ATP11A: variants seen among roughly 807,000 people sequenced by gnomAD.
ATP11A encodes ATPase phospholipid transporting 11A.
A neutral mutation model predicts 154.4 loss-of-function variants in ATP11A; 81 were observed. That is an observed-to-expected ratio of 0.52 (90% CI 0.44 to 0.63). The LOEUF (loss-of-function observed/expected upper bound fraction) is 0.63. Ranked by LOEUF, ATP11A falls within the 30% of genes least tolerant of loss-of-function variation. ATP11A has a pLI of 0.00. For missense variants in ATP11A, 1,316 were observed against 1,474.3 expected (o/e 0.89, Z 1.76); for synonymous variants, 623 against 585.9 (o/e 1.06, Z -0.91).
rs1388271146 is a variant in ATP11A at position 112,871,595 on chromosome 13, G to T, written c.2992-140G>T. The T allele has an allele frequency of 1.0e-5, 8 of 778,244 alleles. No homozygotes were observed. In the East Asian group the frequency reaches 1.2e-4, roughly 12 times the overall value. The allele number at this position is 778,244 out of a possible 1,614,324, so 48.2% of individuals were successfully genotyped here. Reference sequence around the variant, plus strand: ...TGCATCTTCTTTTACGGGATAATAAGAAAATATAGTGCTTATATCTTTGGG... The same window carrying T: ...TGCATCTTCTTTTACGGGATAATAATAAAATATAGTGCTTATATCTTTGGG... On this transcript the variant is annotated intron_variant, in intron 25 of 29. Transcript: ENST00000375645.
chr13:112,846,305 CGCTTACAAA>C (rs2140309721), intron 17 of ATP11A, among the ~76,000 whole-genome samples: 1 of 152,240 alleles, frequency 6.6e-6, no homozygotes, highest in Non-Finnish European at 1.5e-5. Context: ...GTTGTCTCAC[CGCTTACAAA>C]GGCTTTTCCC....
chr13:112,813,201 A>G (rs939800183), intron 5 of ATP11A, among the ~76,000 whole-genome samples: 1 of 152,148 alleles, frequency 6.6e-6, no homozygotes, highest in Non-Finnish European at 1.5e-5. Context: ...GCAGTCCTTT[A>G]ATTAGTTTTT....
Position 112,884,766 on chromosome 13 carries a change from T to C in ATP11A, c.*2900T>C, listed in dbSNP as rs1468337298. On this transcript the variant is annotated 3_prime_UTR_variant, in exon 30 of 30. Transcript: ENST00000375645. ...CACACCCAGTCCCTGCCACAGACCG[T>C]CTCAGACACGCACAGTGGGCCTGCT... 1.3e-5 allele frequency: 2 copies of C among 152,196 alleles called. No homozygotes were observed. Among genetic ancestry groups the C allele is most frequent in the East Asian group, 3.8e-4 (2 of 5,200 alleles). 9.4% of individuals were successfully genotyped at this position (152,196 alleles called of 1,614,324 possible). A position where few individuals can be genotyped will look rare whatever the true frequency, so the allele number is the denominator to read the frequency against.
intron 1 of ATP11A, among the ~76,000 whole-genome samples, chr13:112,775,960 G>A (rs1246179286): frequency 6.6e-6 from 1 of 152,138 alleles, no homozygotes; most frequent in Non-Finnish European, 1.5e-5. Flanking sequence ...TGCGCCTCCC[G>A]GGCGTGAGCC....
chr13:112,755,993 G>C (rs866743611), intron 1 of ATP11A, among the ~76,000 whole-genome samples: 10 of 132,568 alleles, frequency 7.5e-5, no homozygotes, highest in South Asian at 5.1e-4. Flanking sequence ...AACCATTTCC[G>C]GTCACGGAAA....
intron 8 of ATP11A, among the ~76,000 whole-genome samples, chr13:112,820,438 C>T (rs1346695259): frequency 6.6e-6 from 1 of 152,226 alleles, no homozygotes; most frequent in Non-Finnish European, 1.5e-5. Flanking sequence ...AAGGTGGAAT[C>T]GGTAGCCGGG....
At chr13:112,702,399 C>T (rs545865581) in intron 1 of ATP11A, among the ~76,000 whole-genome samples, 482 of 151,714 alleles carry the variant, frequency 3.2e-3, no homozygotes, top group Non-Finnish European at 5.2e-3. Context: ...AGCAACCACA[C>T]GGAGGCCCCC....
intron 1 of ATP11A, among the ~76,000 whole-genome samples, chr13:112,694,569 TC>T (rs1367074312): frequency 6.6e-6 from 1 of 152,202 alleles, no homozygotes; most frequent in Non-Finnish European, 1.5e-5. Flanking sequence ...GATGCTTCCC[TC>T]CCTCTTCCCT....
At chr13:112,880,012 C>T (rs902767918) in intron 29 of ATP11A, among the ~76,000 whole-genome samples, 1 of 152,214 alleles carries the variant, frequency 6.6e-6, no homozygotes, top group African/African-American at 2.4e-5. Context: ...TGGGCGTTTG[C>T]CCATTCAGAC....
intron 2 of ATP11A, among the ~76,000 whole-genome samples, chr13:112,787,456 T>G (rs71446642): frequency 3.1e-5 from 3 of 96,620 alleles, no homozygotes; most frequent in Admixed American, 9.8e-5. Flanking sequence ...TGTCCTGATG[T>G]GTAGACCCCT....
At chr13:112,700,509 C>T (rs1390300429) in intron 1 of ATP11A, among the ~76,000 whole-genome samples, 4 of 152,218 alleles carry the variant, frequency 2.6e-5, no homozygotes, top group Non-Finnish European at 5.9e-5. Context: ...GCAGCCAGGT[C>T]TCATTGGCAC....
At chr13:112,783,630 C>A (rs1321464524) in intron 1 of ATP11A, among the ~76,000 whole-genome samples, 1 of 152,236 alleles carries the variant, frequency 6.6e-6, no homozygotes, top group Admixed American at 6.5e-5. Flanking sequence ...CTGTGTTTCT[C>A]ATGCCCCAGA....
intron 8 of ATP11A, among the ~76,000 whole-genome samples, chr13:112,822,766 A>G (rs1357239928): frequency 6.6e-6 from 1 of 151,510 alleles, no homozygotes; most frequent in Non-Finnish European, 1.5e-5. Flanking sequence ...AAAAAAGGAA[A>G]CAGTTGAAAG....
intron 17 of ATP11A, among the ~76,000 whole-genome samples, chr13:112,843,738 A>T (rs2079494589): frequency 6.6e-6 from 1 of 152,200 alleles, no homozygotes; most frequent in African/African-American, 2.4e-5. Context: ...ATTCCTGCCG[A>T]TGGACAGGAG....
Position 112,831,474 on chromosome 13 carries a change from A to C in ATP11A, c.1321A>C (p.Ile441Leu). ...AGGCCATGTCTACGTGCCCCACGTC[A>C]TCTGCAACGGGCAGGTCCTCCCAGA... is the stretch of plus-strand genomic sequence containing the variant. ...IEGHVYVPHV[I>L]CNGQVLPESS... is the part of the protein sequence containing the mutation. The change falls in exon 13 of 30, where the codon ATC becomes CTC. Residue 441 changes from isoleucine to leucine, a missense_variant. This residue lies in a region of ATP11A where 876 missense variants were observed against 1,006.8 expected (regional missense o/e 0.87). Coordinates refer to ENST00000375645, the MANE Select transcript of ATP11A (RefSeq NM_015205.3). 6.2e-7 allele frequency: 1 copy of C among 1,614,200 alleles called. No individual in the cohort carries two copies. The highest frequency in any genetic ancestry group is 2.2e-5 in the East Asian group (1 of 44,870).
Position 112,819,371 on chromosome 13 carries a change from C to T in ATP11A, c.638C>T (p.Thr213Ile). 6.2e-7 allele frequency: 1 copy of T among 1,614,210 alleles called. No individual in the cohort carries two copies. The highest frequency in any genetic ancestry group is 8.5e-7 in the Non-Finnish European group (1 of 1,180,036). ...TEEDIGGLHATIECEQPQPDL... is the reference protein window; with the variant it reads ...TEEDIGGLHAIIECEQPQPDL... ...GAGGATATCGGCGGACTTCACGCCA[C>T]CATCGAGTGTGAGCAGCCCCAGCCC... The change falls in exon 7 of 30, where the codon ACC (threonine) becomes ATC (isoleucine). Residue 213 changes from threonine (T) to isoleucine (I), a missense_variant. Physicochemically the swap from Thr to Ile is moderately conservative, Grantham distance 89 (BLOSUM62 -1). This residue lies in a region of ATP11A where 876 missense variants were observed against 1,006.8 expected (regional missense o/e 0.87). Coordinates refer to ENST00000375645, the MANE Select transcript of ATP11A (RefSeq NM_015205.3).
chr13:112,748,458 T>A (rs2076610785), intron 1 of ATP11A, among the ~76,000 whole-genome samples: 1 of 152,192 alleles, frequency 6.6e-6, no homozygotes, highest in Non-Finnish European at 1.5e-5. Context: ...CTCCGCCTCC[T>A]GGGCTCAAGC....
rs199676995 is a variant in ATP11A at position 112,842,272 on chromosome 13, G to A, written c.1706-4G>A. On this transcript the variant is annotated splice_polypyrimidine_tract_variant and splice_region_variant and intron_variant, in intron 16 of 29. Coordinates refer to ENST00000375645, the MANE Select transcript of ATP11A (RefSeq NM_015205.3). ...TTAAACTCCTCATTTTTCTCATTTT[G>A]TAGGAGAAATTTATCTGTTTTGCAA... 4.4e-5 allele frequency: 70 copies of A among 1,600,168 alleles called. No homozygotes were observed. The highest frequency in any genetic ancestry group is 5.7e-5 in the Non-Finnish European group (67 of 1,171,140).
chr13:112,841,521 T>A (rs1205196970), intron 16 of ATP11A, among the ~76,000 whole-genome samples: 1 of 131,392 alleles, frequency 7.6e-6, no homozygotes. Flanking sequence ...CGTGGCTTGG[T>A]GGACCAGGGA....
Sources: allele counts gnomAD v4.1 joint callset (sites outside exome capture counted in the v4.1 genomes callset), GRCh38; gene constraint gnomAD v4.1.1; regional missense constraint gnomAD v4.1.1; transcripts MANE v1.5; gene names NCBI Gene and HGNC (gene_info 2026-07-23, HGNC 2026-07-21).